ZBTB20: variants seen among roughly 807,000 people sequenced by gnomAD.
ZBTB20 encodes zinc finger and BTB domain containing 20, also known as zinc finger and BTB domain-containing protein 20.
Under a neutral mutation model 56.9 loss-of-function variants are expected in ZBTB20, and 9 were observed. The observed-to-expected ratio is 0.16, with a 90% CI of 0.10 to 0.28. The LOEUF is 0.28. ZBTB20 is among the 10% of genes least tolerant of loss of function. ZBTB20 has a pLI of 1.00. For missense variants in ZBTB20, 655 were observed against 1,003.0 expected, an observed-to-expected ratio of 0.65 and a Z score of 4.69; for synonymous variants, 417 against 420.7, an observed-to-expected ratio of 0.99 and a Z score of 0.11.
At position 115,013,704 on chromosome 3, in the gene ZBTB20, T is replaced by C. The variant is rs534063570; in HGVS notation, c.-506-39288A>G. On this transcript the variant is annotated intron_variant, in intron 2 of 11. Coordinates refer to ENST00000675478, the MANE Select transcript of ZBTB20 (RefSeq NM_001348800.3). ...TGACAGTATTACCCTAATGTTCAAA[T>C]CAGAAAAAGGCACAACAAAGACACA... Among the ~76,000 whole-genome samples the C allele has an allele frequency of 5.9e-5, 9 of 151,642 alleles. No individual in the cohort carries two copies. The East Asian group carries it at 1.8e-3, about 30-fold the overall frequency.
intron 3 of ZBTB20, among the ~76,000 whole-genome samples, chr3:114,933,796 ATC>A (rs2076437700): frequency 6.6e-6 from 1 of 152,150 alleles, no homozygotes. Flanking sequence ...TTCCCTAATC[ATC>A]TGTTTACTTT....
At chr3:114,726,729 G>C (rs1490089060) in intron 5 of ZBTB20, among the ~76,000 whole-genome samples, 4 of 150,312 alleles carry the variant, frequency 2.7e-5, no homozygotes, top group Non-Finnish European at 5.9e-5. Context: ...TGGCTAACAT[G>C]GTGAAACCCC....
At chr3:115,124,429 T>TA (rs1271177035) in intron 1 of ZBTB20, among the ~76,000 whole-genome samples, 1 of 152,154 alleles carries the variant, frequency 6.6e-6, no homozygotes, top group Non-Finnish European at 1.5e-5. Context: ...AAAGACATTT[T>TA]AAAAAATACA....
At chr3:114,434,346 T>C (rs931239445) in intron 7 of ZBTB20, among the ~76,000 whole-genome samples, 2 of 152,106 alleles carry the variant, frequency 1.3e-5, no homozygotes, top group African/African-American at 2.4e-5. Flanking sequence ...GTTCTCTAGA[T>C]GTGACGATGG....
intron 6 of ZBTB20, among the ~76,000 whole-genome samples, chr3:114,575,761 T>C (rs1470830868): frequency 2.0e-5 from 3 of 152,158 alleles, no homozygotes; most frequent in African/African-American, 7.2e-5. Context: ...CGGTAGTCAC[T>C]GGTTTAGAAA....
intron 2 of ZBTB20, among the ~76,000 whole-genome samples, chr3:115,040,960 C>G (rs148187183): frequency 1.3e-5 from 2 of 152,046 alleles, no homozygotes; most frequent in Non-Finnish European, 2.9e-5. Flanking sequence ...TTCCTTTATT[C>G]AAAAATCCCA....
intron 2 of ZBTB20, among the ~76,000 whole-genome samples, chr3:115,035,764 TAGC>T (rs771860814): frequency 3.9e-5 from 6 of 152,208 alleles, no homozygotes; most frequent in Non-Finnish European, 8.8e-5. Context: ...AATATGTTCA[TAGC>T]AGCCATATTC....
At chr3:114,538,008 G>C (rs2048683717) in intron 6 of ZBTB20, among the ~76,000 whole-genome samples, 1 of 152,116 alleles carries the variant, frequency 6.6e-6, no homozygotes, top group Admixed American at 6.5e-5. Context: ...GGGAGGGATA[G>C]CATTAGGAGA....
At chr3:115,141,905 G>T (rs113092125) in intron 1 of ZBTB20, among the ~76,000 whole-genome samples, 9 of 152,112 alleles carry the variant, frequency 5.9e-5, no homozygotes, top group African/African-American at 2.2e-4. Context: ...TAGATGTCAA[G>T]ATTTCATCTT....
chr3:114,915,384 A>G (rs1314107197), intron 3 of ZBTB20, among the ~76,000 whole-genome samples: 1 of 151,866 alleles, frequency 6.6e-6, no homozygotes, highest in African/African-American at 2.4e-5. Flanking sequence ...GTAGCTTCTA[A>G]TGGTCTTTTG....
At chr3:115,084,285 C>CAAAAAA in intron 1 of ZBTB20, among the ~76,000 whole-genome samples, 1 of 119,866 alleles carries the variant, frequency 8.3e-6, no homozygotes, top group South Asian at 2.7e-4. Context: ...TGAAGAGTGC[C>CAAAAAA]AAAAAAAAAA....
At chr3:114,441,638 C>T (rs2090935140) in intron 7 of ZBTB20, among the ~76,000 whole-genome samples, 2 of 152,106 alleles carry the variant, frequency 1.3e-5, no homozygotes, top group Non-Finnish European at 2.9e-5. Flanking sequence ...AGAAGGGATA[C>T]AGAGCTCTGT....
intron 1 of ZBTB20, among the ~76,000 whole-genome samples, chr3:115,094,612 T>C (rs1009200063): frequency 6.6e-6 from 1 of 151,750 alleles, no homozygotes; most frequent in East Asian, 1.9e-4. Context: ...TTCTCTCAAT[T>C]ACATTCCATT....
chr3:115,025,506 T>G (rs1378854605), intron 2 of ZBTB20, among the ~76,000 whole-genome samples: 1 of 151,122 alleles, frequency 6.6e-6, no homozygotes, highest in Non-Finnish European at 1.5e-5. Context: ...AAGGAATGGT[T>G]TTCTAGTTGG....
chr3:114,682,293 T>C (rs1313898141), intron 6 of ZBTB20, among the ~76,000 whole-genome samples: 1 of 152,174 alleles, frequency 6.6e-6, no homozygotes, highest in Non-Finnish European at 1.5e-5. Context: ...AACAAATTAC[T>C]TCTAGACGAT....
chr3:114,767,937 A>G (rs2068899176), intron 5 of ZBTB20, among the ~76,000 whole-genome samples: 1 of 152,184 alleles, frequency 6.6e-6, no homozygotes, highest in Admixed American at 6.5e-5. Flanking sequence ...GGGAGAAAGA[A>G]AAAGCATATT....
chr3:114,803,599 T>G (rs1160180125), intron 4 of ZBTB20, among the ~76,000 whole-genome samples: 1 of 151,706 alleles, frequency 6.6e-6, no homozygotes, highest in Non-Finnish European at 1.5e-5. Flanking sequence ...CCTCTTCTTA[T>G]CTCCTCATGG....
chr3:114,444,005 G>T (rs2108982301), intron 7 of ZBTB20, among the ~76,000 whole-genome samples: 1 of 152,284 alleles, frequency 6.6e-6, no homozygotes, highest in Middle Eastern at 3.4e-3. Flanking sequence ...AGAAATAAAG[G>T]AGGCAGAATG....
At chr3:114,971,920 G>A (rs1000945046) in intron 3 of ZBTB20, among the ~76,000 whole-genome samples, 1 of 152,152 alleles carries the variant, frequency 6.6e-6, no homozygotes, top group African/African-American at 2.4e-5. Flanking sequence ...CTGGAACCAG[G>A]AAAGACACAA....
Sources: allele counts gnomAD v4.1 joint callset (sites outside exome capture counted in the v4.1 genomes callset), GRCh38; gene constraint gnomAD v4.1.1; transcripts MANE v1.5; gene names NCBI Gene and HGNC (gene_info 2026-07-23, HGNC 2026-07-21).